Variants in DAPK2 observed in about 807,000 individuals in gnomAD.
DAPK2 encodes death-associated protein kinase 2.
DAPK2 carries 35 observed loss-of-function variants against 44.1 expected under a neutral mutation model. That is an observed-to-expected ratio of 0.79 (90% confidence interval 0.61 to 1.05). The LOEUF (loss-of-function observed/expected upper bound fraction) is 1.05. DAPK2 is among the 50% of genes least tolerant of loss of function. DAPK2 has a pLI of 0.00. For missense variants in DAPK2, 453 were observed against 483.2 expected (o/e 0.94, Z 0.59); for synonymous variants, 174 against 182.6 (o/e 0.95, Z 0.38).
chr15:63,982,315 C>T (rs527651417), intron 2 of DAPK2, among the ~76,000 whole-genome samples: 2 of 151,876 alleles, frequency 1.3e-5, no homozygotes, highest in Non-Finnish European at 1.5e-5. Flanking sequence ...TTCAGCCTCC[C>T]GAGTAGCTGG....
chr15:64,005,639 C>T (rs1473400744), intron 1 of DAPK2, among the ~76,000 whole-genome samples: 3 of 151,848 alleles, frequency 2.0e-5, no homozygotes, highest in Non-Finnish European at 2.9e-5. Context: ...TAGGGGTGGG[C>T]AGGGGAGGAA....
intron 1 of DAPK2, among the ~76,000 whole-genome samples, chr15:64,028,029 T>C (rs11631876): frequency 3.0e-5 from 4 of 135,100 alleles, no homozygotes; most frequent in Non-Finnish European, 4.8e-5. Flanking sequence ...GTACATAAAC[T>C]GTATCTATCT....
At chr15:63,919,333 T>TC (rs899483000) in intron 8 of DAPK2, 1 of 152,202 alleles carries the variant, frequency 6.6e-6, no homozygotes, top group African/African-American at 2.4e-5. Context: ...CACTTAGAGT[T>TC]CGGAGTCCAG....
At chr15:64,028,123 A>G (rs1418618419) in intron 1 of DAPK2, among the ~76,000 whole-genome samples, 2 of 152,106 alleles carry the variant, frequency 1.3e-5, no homozygotes, top group African/African-American at 4.8e-5. Context: ...CAGTGGCGCT[A>G]TCTCAGCTCA....
intron 8 of DAPK2, chr15:63,922,420 C>A: frequency 9.0e-7 from 1 of 1,108,588 alleles, no homozygotes. Flanking sequence ...CATCACAAAT[C>A]AATTCTCAAG....
At chr15:63,930,302 G>GAGCTCTGAAC in intron 5 of DAPK2, 105 bp downstream of exon 6, 1 of 1,098,058 alleles carries the variant, frequency 9.1e-7, no homozygotes, top group Non-Finnish European at 1.4e-6. Context: ...AGTGAGTGTG[G>GAGCTCTGAAC]AGTAAGGGGC....
Position 63,912,734 on chromosome 15 carries a change from G to A in DAPK2, c.859-537C>T, listed in dbSNP as rs990673255. Among the ~76,000 whole-genome samples, 1 of 152,172 alleles carries A rather than the reference G, an allele frequency of 6.6e-6. No individual in the cohort carries two copies. Among genetic ancestry groups the A allele is most frequent in the Non-Finnish European group, 1.5e-5 (1 of 68,024 alleles). ...AATTTTGACTTCTCCAAGAAGCTTG[G>A]GATGGCTTCTCTGAGCCTCAGTTTC... is the stretch of plus-strand genomic sequence containing the variant. On this transcript the variant is annotated intron_variant, in intron 8 of 10. Transcript: ENST00000261891. The surrounding 1 kb of genome is among the most constrained non-coding windows in gnomAD (Gnocchi z 4.4).
intron 2 of DAPK2, among the ~76,000 whole-genome samples, chr15:63,971,808 T>C (rs909880838): frequency 3.9e-5 from 6 of 152,362 alleles, no homozygotes; most frequent in African/African-American, 1.2e-4. Context: ...GAAGAGCCTC[T>C]GCTCCCACTC....
At chr15:63,919,821 C>T (rs1042992892) in intron 8 of DAPK2, 4 of 152,226 alleles carry the variant, frequency 2.6e-5, no homozygotes, top group African/African-American at 9.6e-5. Context: ...AAAGCTTGCC[C>T]TGTGTTGCCC....
chr15:63,961,106 CTTCT>C (rs980813012), intron 3 of DAPK2, among the ~76,000 whole-genome samples: 33 of 152,234 alleles, frequency 2.2e-4, no homozygotes, highest in African/African-American at 7.2e-4. Context: ...ACGTAATGGC[CTTCT>C]TTGTCTCTTT....
At chr15:63,914,117 G>A (rs56660009) in intron 8 of DAPK2, among the ~76,000 whole-genome samples, 11,878 of 152,196 alleles carry the variant, frequency 0.078, 668 homozygotes, top group African/African-American at 0.16. Flanking sequence ...CCACTGATGA[G>A]GGGCCCAGGT....
At chr15:63,928,398 G>A (rs1053870717) in intron 6 of DAPK2, 1 of 152,180 alleles carries the variant, frequency 6.6e-6, no homozygotes, top group African/African-American at 2.4e-5. Context: ...CTCAGCTGCT[G>A]AGCACTGGTG....
intron 1 of DAPK2, among the ~76,000 whole-genome samples, chr15:64,033,234 T>G (rs2080067977): frequency 1.6e-5 from 2 of 127,216 alleles, no homozygotes; most frequent in African/African-American, 3.2e-5. Context: ...CACTCCAGCC[T>G]GAGTAACAGA....
At chr15:63,925,372 T>C (rs1310373507) in intron 7 of DAPK2, among the ~76,000 whole-genome samples, 1 of 152,158 alleles carries the variant, frequency 6.6e-6, no homozygotes, top group Non-Finnish European at 1.5e-5. Flanking sequence ...TGTTCTAGTC[T>C]GTGGACCTTT....
chr15:63,922,842 T>G, intron 8 of DAPK2: 1 of 1,535,804 alleles, frequency 6.5e-7, no homozygotes, highest in Non-Finnish European at 8.7e-7. Context: ...CCCTCAGAGC[T>G]CCCACTCTCC....
chr15:63,947,736 C>A (rs916765537), intron 3 of DAPK2, among the ~76,000 whole-genome samples: 2 of 152,174 alleles, frequency 1.3e-5, no homozygotes, highest in Non-Finnish European at 1.5e-5. Flanking sequence ...TTGATGATGT[C>A]TCTCCTTCCC....
intron 1 of DAPK2, among the ~76,000 whole-genome samples, chr15:63,995,008 T>A (rs2078915527): frequency 6.6e-6 from 1 of 152,192 alleles, no homozygotes; most frequent in Admixed American, 6.5e-5. Flanking sequence ...TAATTAAAAA[T>A]TATTTTAATA....
intron 1 of DAPK2, among the ~76,000 whole-genome samples, chr15:63,993,569 G>A (rs1325310690): frequency 6.6e-6 from 1 of 151,896 alleles, no homozygotes; most frequent in African/African-American, 2.4e-5. Context: ...TTCTCAAAAT[G>A]TTTGTGAATT....
intron 3 of DAPK2, among the ~76,000 whole-genome samples, chr15:63,943,540 A>G (rs1286129831): frequency 5.9e-5 from 9 of 152,138 alleles, no homozygotes; most frequent in Non-Finnish European, 1.2e-4. Flanking sequence ...CCGCTAGACT[A>G]AATGATTCCC....
Sources: gnomAD v4.1 joint callset for allele counts (sites outside exome capture counted in the v4.1 genomes callset) on GRCh38, gnomAD v4.1.1 for gene constraint, Gnocchi (gnomAD v3.1) non-coding constraint, MANE v1.5 for transcripts, NCBI Gene and HGNC (gene_info 2026-07-23, HGNC 2026-07-21) for gene names.